The following EPHB2 variants were observed in gnomAD, a reference collection of about 807,000 sequenced individuals.
The protein encoded by EPHB2 is EPH receptor B2.
In EPHB2, 18 loss-of-function variants were observed where a neutral mutation model predicts 96.4. The ratio of observed to expected loss-of-function variants is 0.19; its 90% confidence interval spans 0.13 to 0.28. EPHB2 has a LOEUF of 0.28. Among genes scored for constraint, EPHB2 ranks in the 10% least tolerant of loss-of-function variants. The pLI, the probability that EPHB2 is intolerant of heterozygous loss-of-function variation, is 1.00. For synonymous variants in EPHB2, 506 were observed against 534.1 expected, an observed-to-expected ratio of 0.95 and a Z score of 0.72; for missense variants, 989 against 1,355.4, an observed-to-expected ratio of 0.73 and a Z score of 4.25.
At chr1:22,729,366 A>G (rs574787758) in intron 1 of EPHB2, among the ~76,000 whole-genome samples, 3 of 152,200 alleles carry the variant, frequency 2.0e-5, no homozygotes, top group South Asian at 2.1e-4. Context: ...ACACAGACCT[A>G]TATTAGGAGA....
At chr1:22,782,497 C>A (rs916934566) in intron 2 of EPHB2, among the ~76,000 whole-genome samples, 5 of 143,510 alleles carry the variant, frequency 3.5e-5, no homozygotes, top group African/African-American at 1.3e-4. Flanking sequence ...ATAGGCAGGG[C>A]CCCAGGGTCA....
At chr1:22,718,857 C>T (rs1643362703) in intron 1 of EPHB2, among the ~76,000 whole-genome samples, 1 of 152,128 alleles carries the variant, frequency 6.6e-6, no homozygotes, top group Admixed American at 6.6e-5. Flanking sequence ...AGTGGTGAGG[C>T]AGCGATTGAA....
intron 3 of EPHB2, among the ~76,000 whole-genome samples, chr1:22,856,102 G>A (rs949828612): frequency 3.9e-5 from 6 of 152,128 alleles, no homozygotes; most frequent in African/African-American, 1.4e-4. Flanking sequence ...CCCAGCGATT[G>A]ACTCTGAGGT....
chr1:22,850,892 G>A (rs1645616483), intron 3 of EPHB2, among the ~76,000 whole-genome samples: 1 of 152,224 alleles, frequency 6.6e-6, no homozygotes, highest in Non-Finnish European at 1.5e-5. Flanking sequence ...AGGTCAGTGT[G>A]GCTCAGCTGG....
intron 3 of EPHB2, among the ~76,000 whole-genome samples, chr1:22,831,241 T>C (rs1299008838): frequency 6.6e-6 from 1 of 152,130 alleles, no homozygotes; most frequent in Non-Finnish European, 1.5e-5. Context: ...GTGATTTATA[T>C]AGGGCAACTT....
chr1:22,845,512 G>A (rs572252048), intron 3 of EPHB2, among the ~76,000 whole-genome samples: 16 of 152,168 alleles, frequency 1.1e-4, no homozygotes, highest in African/African-American at 3.4e-4. Flanking sequence ...GTTGCCTCCC[G>A]ACTCCTCATC....
intron 5 of EPHB2, among the ~76,000 whole-genome samples, chr1:22,880,705 C>T (rs1270403819): frequency 6.6e-6 from 1 of 152,234 alleles, no homozygotes; most frequent in African/African-American, 2.4e-5. Context: ...CACCTCGGAA[C>T]TTCAATGTCT....
At chr1:22,855,230 G>T (rs1379260967) in intron 3 of EPHB2, among the ~76,000 whole-genome samples, 1 of 152,210 alleles carries the variant, frequency 6.6e-6, no homozygotes, top group African/African-American at 2.4e-5. Flanking sequence ...TGGCAGTGAA[G>T]CCGCCAGCCC....
intron 5 of EPHB2, among the ~76,000 whole-genome samples, chr1:22,866,383 G>A (rs960614564): frequency 6.6e-6 from 1 of 152,050 alleles, no homozygotes; most frequent in African/African-American, 2.4e-5. Context: ...CCAGGCCCAG[G>A]AAGTCTTCCT....
chr1:22,713,996 G>T (rs1433886183), intron 1 of EPHB2, among the ~76,000 whole-genome samples: 1 of 152,242 alleles, frequency 6.6e-6, no homozygotes, highest in African/African-American at 2.4e-5. Context: ...GAGGCCGGTG[G>T]CAGACCCTGT....
rs1639932917 is a variant in EPHB2, at chr1:22,906,841, A to G, written c.2020A>G (p.Met674Val). 3 of 1,614,106 alleles carry G rather than the reference A, an allele frequency of 1.9e-6. No individual in the cohort carries two copies. The highest frequency in any genetic ancestry group is 2.2e-5 in the East Asian group (1 of 44,884). ...RRDFLSEASI[M>V]GQFDHPNVIH... Reference sequence around the variant, plus strand: ...GGACTTCCTGAGCGAAGCCTCCATCATGGGCCAGTTCGACCATCCCAACGT... The same window carrying G: ...GGACTTCCTGAGCGAAGCCTCCATCGTGGGCCAGTTCGACCATCCCAACGT... The change falls in exon 11 of 16, where the codon ATG becomes GTG. Residue 674 changes from methionine (M) to valine (V), a missense_variant. By Grantham distance (21) the Met-to-Val change is conservative (BLOSUM62 1). Coordinates refer to ENST00000374630, the MANE Select transcript of EPHB2 (RefSeq NM_017449.5). The surrounding 1 kb of genome is among the most constrained non-coding windows in gnomAD (Gnocchi z 4.8).
rs868028952 is a variant in EPHB2, at chr1:22,720,669, C to G, written c.61+9626C>G. ...AAGCCAGAAATCTCATTCCCCCCCC[C>G]CCCCGCCCCAGCACTTACCCCCGAA... is the stretch of plus-strand genomic sequence containing the variant. On this transcript the variant is annotated intron_variant, in intron 1 of 15. Coordinates refer to ENST00000374630, the MANE Select transcript of EPHB2 (RefSeq NM_017449.5). Among the ~76,000 whole-genome samples the G allele has an allele frequency of 7.3e-4, 84 of 114,548 alleles. 1 individual carries two copies. Among genetic ancestry groups the G allele is most frequent in the Middle Eastern group, 4.0e-3 (1 of 248 alleles). The allele number at this position is 114,548 out of a possible 152,430, so 75.1% of individuals were successfully genotyped here.
intron 1 of EPHB2, among the ~76,000 whole-genome samples, chr1:22,720,939 G>A (rs1349006994): frequency 6.6e-6 from 1 of 152,132 alleles, no homozygotes; most frequent in African/African-American, 2.4e-5. Flanking sequence ...GTGCTCCTGT[G>A]GCCTGGGGCA....
chr1:22,887,188 G>A (rs767798145), intron 6 of EPHB2, among the ~76,000 whole-genome samples: 1 of 152,060 alleles, frequency 6.6e-6, no homozygotes, highest in Non-Finnish European at 1.5e-5. Flanking sequence ...TATTAGAGGA[G>A]GTGCTGGCAG....
chr1:22,836,775 C>T, intron 3 of EPHB2: 1 of 152,474 alleles, frequency 6.6e-6, no homozygotes. Flanking sequence ...GAGGCCAGCC[C>T]TCTTGTTCAT....
chr1:22,842,283 A>T (rs1049331996), intron 3 of EPHB2, among the ~76,000 whole-genome samples: 1 of 152,156 alleles, frequency 6.6e-6, no homozygotes, highest in African/African-American at 2.4e-5. Context: ...TGCTGAAATC[A>T]TGAAATATTC....
chr1:22,741,393 C>T (rs1447498757), intron 1 of EPHB2, among the ~76,000 whole-genome samples: 3 of 152,122 alleles, frequency 2.0e-5, no homozygotes, highest in Admixed American at 2.0e-4. Flanking sequence ...ACCTGGCTGC[C>T]TTCCTCCAGC....
At position 22,860,022 on chromosome 1, in the gene EPHB2, C is replaced by T. The variant is rs1645769001; in HGVS notation, c.812-3015C>T. 6.6e-6 allele frequency among the ~76,000 whole-genome samples: 1 copy of T among 152,212 alleles called. No individual in the cohort carries two copies. The highest frequency in any genetic ancestry group is 1.5e-5 in the Non-Finnish European group (1 of 68,034). ...GGGCCTGTTTCATATAAATGGAATC[C>T]TGCTTTCATGGCTGGCTTCTTTCAC... On this transcript the variant is annotated intron_variant, in intron 3 of 15. Coordinates refer to ENST00000374630, the MANE Select transcript of EPHB2 (RefSeq NM_017449.5). The surrounding 1 kb of genome is among the most constrained non-coding windows in gnomAD (Gnocchi z 4.6).
At chr1:22,722,482 C>CCA (rs1643489812) in intron 1 of EPHB2, among the ~76,000 whole-genome samples, 1 of 152,158 alleles carries the variant, frequency 6.6e-6, no homozygotes, top group South Asian at 2.1e-4. Context: ...GGTTCAATGA[C>CCA]TTACTCAAGG....
Sources: gnomAD v4.1 joint callset for allele counts (sites outside exome capture counted in the v4.1 genomes callset) on GRCh38, gnomAD v4.1.1 for gene constraint, Gnocchi (gnomAD v3.1) non-coding constraint, MANE v1.5 for transcripts, NCBI Gene and HGNC (gene_info 2026-07-23, HGNC 2026-07-21) for gene names.